Variants in UBR2 observed in about 807,000 individuals in gnomAD.
UBR2 encodes the protein E3 ubiquitin-protein ligase UBR2.
UBR2 carries 92 observed loss-of-function variants against 247.9 expected under a neutral mutation model. That is an observed-to-expected ratio of 0.37 (90% CI 0.31 to 0.44). The LOEUF is 0.44. Ranked by LOEUF, UBR2 falls within the 20% of genes least tolerant of loss-of-function variation. UBR2 has a pLI of 1.00. For missense variants in UBR2, 1,613 were observed against 2,112.6 expected, an observed-to-expected ratio of 0.76 and a Z score of 4.64; for synonymous variants, 672 against 693.5, an observed-to-expected ratio of 0.97 and a Z score of 0.49.
rs3763235 is a variant in UBR2 at position 42,649,932 on chromosome 6, G to A, written c.2463-352G>A. Among the ~76,000 whole-genome samples, 50 of 152,238 alleles carry A rather than the reference G, an allele frequency of 3.3e-4. No homozygotes were observed. In the East Asian group the frequency reaches 7.7e-3, roughly 23 times the overall value. Reference sequence around the variant, plus strand: ...TTTTTTCTGCTTAATAGAACAACACGGAAGTCTTTACATGTGAAAATAGAG... The same window carrying A: ...TTTTTTCTGCTTAATAGAACAACACAGAAGTCTTTACATGTGAAAATAGAG... On this transcript the variant is annotated intron_variant, in intron 22 of 46. Coordinates refer to ENST00000372901, the MANE Select transcript of UBR2 (RefSeq NM_001363705.2).
intron 2 of UBR2, among the ~76,000 whole-genome samples, chr6:42,585,763 G>A (rs1256368860): frequency 6.6e-6 from 1 of 152,078 alleles, no homozygotes; most frequent in African/African-American, 2.4e-5. Context: ...TGTCTATAAT[G>A]ATGTCTCTTT....
chr6:42,673,675 G>T, intron 36 of UBR2, 116 bp from the exon 37 acceptor site: 1 of 663,246 alleles, frequency 1.5e-6, no homozygotes, highest in Non-Finnish European at 2.7e-6. Flanking sequence ...CATAGATCTA[G>T]TTCCATACCA....
chr6:42,650,251 G>A (rs1397225415), intron 22 of UBR2, 33 bp from the exon 23 acceptor site: 2 of 1,538,560 alleles, frequency 1.3e-6, no homozygotes, highest in Non-Finnish European at 1.8e-6. Flanking sequence ...GTATGGCTTT[G>A]GTAATAATAT....
intron 4 of UBR2, among the ~76,000 whole-genome samples, chr6:42,595,917 A>G (rs1456177946): frequency 6.6e-6 from 1 of 151,918 alleles, no homozygotes; most frequent in Non-Finnish European, 1.5e-5. Context: ...CAAGTGGTCA[A>G]GGTTCCAGAT....
chr6:42,587,754 A>C (rs1164954234), intron 2 of UBR2, among the ~76,000 whole-genome samples: 2 of 152,088 alleles, frequency 1.3e-5, no homozygotes, highest in Non-Finnish European at 2.9e-5. Flanking sequence ...TTTACTGTGG[A>C]TTCTAATTAT....
intron 22 of UBR2, among the ~76,000 whole-genome samples, chr6:42,649,345 TC>T (rs1796975648): frequency 6.6e-6 from 1 of 152,212 alleles, no homozygotes; most frequent in Non-Finnish European, 1.5e-5. Flanking sequence ...CTGTAATGTA[TC>T]TAACCTCTTC....
intron 2 of UBR2, among the ~76,000 whole-genome samples, chr6:42,581,136 C>G (rs1270707083): frequency 6.6e-6 from 1 of 151,332 alleles, no homozygotes; most frequent in African/African-American, 2.4e-5. Flanking sequence ...GCCTCAGCCT[C>G]CCAAATAGCT....
chr6:42,687,374 C>G (rs1436826992), intron 44 of UBR2, among the ~76,000 whole-genome samples: 2 of 152,184 alleles, frequency 1.3e-5, no homozygotes, highest in African/African-American at 4.8e-5. Context: ...ATCCCAGGCA[C>G]TGGGCAGGCT....
rs1790639298 is a variant in UBR2 at position 42,564,198 on chromosome 6, A to G, written c.-122A>G. 9.2e-7 allele frequency: 1 copy of G among 1,090,086 alleles called. No individual in the cohort carries two copies. The highest frequency in any genetic ancestry group is 1.3e-6 in the Non-Finnish European group (1 of 760,496). The allele number at this position is 1,090,086 out of a possible 1,614,324, so 67.5% of individuals were successfully genotyped here. On this transcript the variant is annotated 5_prime_UTR_variant, in exon 1 of 47. Coordinates refer to ENST00000372901, the MANE Select transcript of UBR2 (RefSeq NM_001363705.2). ...TCTCTCCCTCTGTTGCTCCACCTGC[A>G]GCCACTTGGACGGCTCCGGGACTGA...
intron 3 of UBR2, 94 bp downstream of exon 3, chr6:42,592,323 A>T: frequency 9.9e-7 from 1 of 1,012,796 alleles, no homozygotes. Flanking sequence ...TAACACTAAA[A>T]TGGGGGGAGG....
At chr6:42,690,504 G>A (rs752851368) in intron 46 of UBR2, among the ~76,000 whole-genome samples, 3 of 152,204 alleles carry the variant, frequency 2.0e-5, no homozygotes, top group Non-Finnish European at 1.5e-5. Flanking sequence ...GCTTGCACTT[G>A]TGTTTAAATT....
chr6:42,633,004 G>A, intron 13 of UBR2, 100 bp downstream of exon 13: 1 of 785,050 alleles, frequency 1.3e-6, no homozygotes, highest in Non-Finnish European at 1.9e-6. Context: ...TAAGAGATGG[G>A]GGTCTCACTG....
chr6:42,632,736 T>G (rs1795825177), intron 12 of UBR2, 21 bp downstream of exon 12: 1 of 1,590,968 alleles, frequency 6.3e-7, no homozygotes, highest in Non-Finnish European at 8.5e-7. Context: ...ATTTAATTAT[T>G]AAACCAGTTG....
In UBR2 at chr6:42,655,681, G is replaced by A. The variant is rs754352995; in HGVS notation, c.2830G>A (p.Glu944Lys). ...EEKQHLENVT[E>K]EHVVTFTFTQ... Reference sequence around the variant, plus strand: ...AAAACAACATTTAGAGAATGTCACGGAAGAGCATGTAGTAACATTTACCTT... The same window carrying A: ...AAAACAACATTTAGAGAATGTCACGAAAGAGCATGTAGTAACATTTACCTT... The change falls in exon 26 of 47, where the codon GAA (glutamate) becomes AAA (lysine). Residue 944 changes from glutamate (E) to lysine (K), a missense_variant. By Grantham distance (56) the Glu-to-Lys change is moderately conservative. Around this residue, in one of 3 missense-constraint regions of UBR2, gnomAD observed 1,524 missense variants for 1,967.3 expected, o/e 0.77. Coordinates refer to ENST00000372901, the MANE Select transcript of UBR2 (RefSeq NM_001363705.2). The A allele has an allele frequency of 6.4e-7, 1 of 1,557,484 alleles. No homozygotes were observed. Among genetic ancestry groups the A allele is most frequent in the Admixed American group, 2.2e-5 (1 of 44,654 alleles).
At chr6:42,658,974 T>A in intron 29 of UBR2, 150 bp downstream of exon 29, 1 of 901,000 alleles carries the variant, frequency 1.1e-6, no homozygotes, top group Non-Finnish European at 1.6e-6. Flanking sequence ...TTAGAAGATT[T>A]AATCTTAGAA....
chr6:42,566,087 GA>G (rs1790760898), intron 1 of UBR2, among the ~76,000 whole-genome samples: 1 of 151,896 alleles, frequency 6.6e-6, no homozygotes, highest in Non-Finnish European at 1.5e-5. Flanking sequence ...GTACTGTTTT[GA>G]TTTTTTTTCT....
chr6:42,687,845 T>G (rs1799532215), intron 44 of UBR2, among the ~76,000 whole-genome samples: 1 of 152,210 alleles, frequency 6.6e-6, no homozygotes, highest in Non-Finnish European at 1.5e-5. Flanking sequence ...CCAGCCAATT[T>G]TGCATTCATT....
chr6:42,606,242 CAA>C (rs1285312210), intron 6 of UBR2, among the ~76,000 whole-genome samples: 2 of 123,570 alleles, frequency 1.6e-5, no homozygotes, highest in Non-Finnish European at 1.7e-5. Context: ...GACTCCATCT[CAA>C]AAAAAAAAAA....
At chr6:42,602,757 TGTGC>T (rs1582502308) in intron 4 of UBR2, among the ~76,000 whole-genome samples, 2 of 122,210 alleles carry the variant, frequency 1.6e-5, no homozygotes, top group African/African-American at 6.5e-5. Flanking sequence ...TTATGCTGTG[TGTGC>T]GTGTGTGTGT....
Sources: allele counts gnomAD v4.1 joint callset (sites outside exome capture counted in the v4.1 genomes callset), GRCh38; gene constraint gnomAD v4.1.1; regional missense constraint gnomAD v4.1.1; transcripts MANE v1.5; gene names NCBI Gene and HGNC (gene_info 2026-07-23, HGNC 2026-07-21).